MSRA: variants seen among roughly 807,000 people sequenced by gnomAD.
The protein encoded by MSRA is mitochondrial peptide methionine sulfoxide reductase.
A neutral mutation model predicts 31.3 loss-of-function variants in MSRA; 54 were observed. The ratio of observed to expected loss-of-function variants is 1.73; its 90% CI spans 1.39 to 2.17. The LOEUF (loss-of-function observed/expected upper bound fraction) is 2.17, where lower values mean the gene tolerates loss of function less well. Among genes scored for constraint, MSRA ranks in the 30% most tolerant of loss-of-function variants. The pLI, the probability that MSRA is intolerant of heterozygous loss-of-function variation, is 0.00. For missense variants in MSRA, 507 were observed against 300.9 expected (o/e 1.69, Z -5.07); for synonymous variants, 169 against 116.5 (o/e 1.45, Z -2.90).
At chr8:10,113,856 G>C (rs1046824601) in intron 1 of MSRA, among the ~76,000 whole-genome samples, 2 of 152,104 alleles carry the variant, frequency 1.3e-5, no homozygotes, top group African/African-American at 4.8e-5. Flanking sequence ...ATACAATTCA[G>C]TGGTTATTAG....
chr8:10,418,355 T>C (rs1438992794), intron 5 of MSRA, among the ~76,000 whole-genome samples: 3 of 152,086 alleles, frequency 2.0e-5, no homozygotes, highest in African/African-American at 7.2e-5. Context: ...CAAACTGTGA[T>C]GGAAATGAGG....
chr8:10,304,380 G>A (rs887076084), intron 4 of MSRA, among the ~76,000 whole-genome samples: 7 of 152,194 alleles, frequency 4.6e-5, no homozygotes, highest in East Asian at 1.9e-4. Flanking sequence ...AGATAAATGC[G>A]CATAAGACCA....
At chr8:10,064,274 C>T (rs1797348377) in intron 1 of MSRA, among the ~76,000 whole-genome samples, 1 of 152,168 alleles carries the variant, frequency 6.6e-6, no homozygotes, top group African/African-American at 2.4e-5. Context: ...TTTCCTTCAC[C>T]AGAGACCTGC....
intron 1 of MSRA, among the ~76,000 whole-genome samples, chr8:10,062,665 T>C (rs476725): frequency 1 from 152,283 of 152,320 alleles, 76,123 homozygotes; most frequent in Middle Eastern, 1. Context: ...GGGACGAGCA[T>C]AGTGCACTGA....
chr8:10,269,486 G>A (rs1252552731), intron 3 of MSRA, among the ~76,000 whole-genome samples: 1 of 152,174 alleles, frequency 6.6e-6, no homozygotes, highest in Non-Finnish European at 1.5e-5. Context: ...GAATTTTCTG[G>A]CTGCACCAGG....
At chr8:10,129,161 T>G (rs1371941562) in intron 1 of MSRA, among the ~76,000 whole-genome samples, 1 of 152,150 alleles carries the variant, frequency 6.6e-6, no homozygotes, top group Non-Finnish European at 1.5e-5. Flanking sequence ...GAGACTCTGT[T>G]TTTTAACAGA....
Position 10,396,227 on chromosome 8 carries a change from T to G in MSRA, c.544-31921T>G, listed in dbSNP as rs138583833. ...GGCCAGGCCTCCAGGAAGAAGCGTT[T>G]CCTGCACTCAGCCACTGCTGCCGTT... On this transcript the variant is annotated intron_variant, in intron 5 of 5. Transcript: ENST00000317173. Among the ~76,000 whole-genome samples, 453 of 152,340 alleles carry G rather than the reference T, an allele frequency of 3.0e-3. 1 individual carries two copies. Among genetic ancestry groups the G allele is most frequent in the African/African-American group, 0.011 (437 of 41,582 alleles).
chr8:10,319,645 A>G (rs1320401449), intron 4 of MSRA, among the ~76,000 whole-genome samples: 2 of 151,712 alleles, frequency 1.3e-5, no homozygotes, highest in Admixed American at 6.6e-5. Context: ...AAGACCTGTG[A>G]TAAATCTACC....
chr8:10,363,756 A>ACACACACACACACACACACG (rs1423638176), intron 5 of MSRA, among the ~76,000 whole-genome samples: 5 of 149,874 alleles, frequency 3.3e-5, no homozygotes, highest in African/African-American at 1.2e-4. Flanking sequence ...ACACACACAC[A>ACACACACACACACACACACG]CACACACACA....
rs1483039927 is a variant in MSRA at position 10,154,496 on chromosome 8, G to A, written c.143-53337G>A. ...AGGTTCATGCCATTCTCCTGCCTCA[G>A]CCTCCTGAGTAGCTGGTACTACAGG... is the stretch of plus-strand genomic sequence containing the variant. On this transcript the variant is annotated intron_variant, in intron 1 of 5. Transcript: ENST00000317173. 2.6e-5 allele frequency among the ~76,000 whole-genome samples: 4 copies of A among 151,912 alleles called. 1 individual carries two copies. The highest frequency in any genetic ancestry group is 9.7e-5 in the African/African-American group (4 of 41,336).
chr8:10,102,161 T>A (rs973906924), intron 1 of MSRA, among the ~76,000 whole-genome samples: 2 of 152,190 alleles, frequency 1.3e-5, no homozygotes, highest in Admixed American at 1.3e-4. Context: ...TTCTTGAATA[T>A]GTAGGTTTAT....
At chr8:10,141,743 GT>G (rs1802727433) in intron 1 of MSRA, among the ~76,000 whole-genome samples, 1 of 150,710 alleles carries the variant, frequency 6.6e-6, no homozygotes, top group Non-Finnish European at 1.5e-5. Flanking sequence ...TTTTAATTTA[GT>G]TTGCTTTCTT....
At chr8:10,330,203 A>G (rs1802613677) in intron 5 of MSRA, among the ~76,000 whole-genome samples, 1 of 112,820 alleles carries the variant, frequency 8.9e-6, no homozygotes, top group Non-Finnish European at 1.8e-5. Flanking sequence ...ATTAAATGTG[A>G]TATACACACA....
intron 5 of MSRA, among the ~76,000 whole-genome samples, chr8:10,423,039 G>C (rs965776858): frequency 5.9e-5 from 9 of 152,186 alleles, no homozygotes; most frequent in African/African-American, 2.2e-4. Context: ...TGTCACGGGT[G>C]CAGCCTCCTT....
chr8:10,207,963 A>G, intron 2 of MSRA, 62 bp downstream of exon 2: 1 of 1,355,982 alleles, frequency 7.4e-7, no homozygotes, highest in East Asian at 2.4e-5. Context: ...CAAATTTCTT[A>G]GTTTTAGCAA....
intron 3 of MSRA, among the ~76,000 whole-genome samples, chr8:10,261,852 T>C (rs1798502840): frequency 6.6e-6 from 1 of 152,208 alleles, no homozygotes; most frequent in African/African-American, 2.4e-5. Context: ...TTCCCTGCGC[T>C]CCACCTGTTC....
chr8:10,371,128 T>C (rs1280519167), intron 5 of MSRA, among the ~76,000 whole-genome samples: 2 of 152,206 alleles, frequency 1.3e-5, no homozygotes, highest in Admixed American at 6.5e-5. Flanking sequence ...AGTGTCATGA[T>C]AGATGATTAG....
intron 3 of MSRA, among the ~76,000 whole-genome samples, chr8:10,250,253 C>A (rs979309021): frequency 1.3e-5 from 2 of 152,126 alleles, no homozygotes; most frequent in African/African-American, 2.4e-5. Flanking sequence ...ATTATTCTTA[C>A]ATTTTGTAAT....
intron 1 of MSRA, among the ~76,000 whole-genome samples, chr8:10,192,047 T>C (rs1236024311): frequency 6.6e-6 from 1 of 152,132 alleles, no homozygotes; most frequent in Non-Finnish European, 1.5e-5. Context: ...CAAGCCTCCG[T>C]TTCCTGCCAC....
Sources: allele counts gnomAD v4.1 joint callset (sites outside exome capture counted in the v4.1 genomes callset), GRCh38; gene constraint gnomAD v4.1.1; transcripts MANE v1.5; gene names NCBI Gene and HGNC (gene_info 2026-07-23, HGNC 2026-07-21).